Variants in NRXN3 observed in about 807,000 individuals in gnomAD.
NRXN3 encodes neurexin III.
A neutral mutation model predicts 137.6 loss-of-function variants in NRXN3; 32 were observed. That is an observed-to-expected ratio of 0.23 (90% CI 0.18 to 0.31). The LOEUF (loss-of-function observed/expected upper bound fraction) is 0.31. NRXN3 is among the 10% of genes least tolerant of loss of function. The pLI is 1.00. For missense variants in NRXN3, 1,574 were observed against 2,062.5 expected (o/e 0.76, Z 4.59); for synonymous variants, 798 against 784.5 (o/e 1.02, Z -0.29).
chr14:79,385,208 C>CA (rs945654919), intron 15 of NRXN3, among the ~76,000 whole-genome samples: 4 of 94,486 alleles, frequency 4.2e-5, no homozygotes, highest in East Asian at 5.0e-4. Context: ...TATCCTTCCC[C>CA]CCGCCCCCAC....
chr14:79,267,511 C>T (rs1440696233), intron 15 of NRXN3, among the ~76,000 whole-genome samples: 2 of 152,134 alleles, frequency 1.3e-5, no homozygotes, highest in East Asian at 1.9e-4. Flanking sequence ...GCATGCACCA[C>T]CACACCCAGC....
intron 20 of NRXN3, among the ~76,000 whole-genome samples, chr14:79,814,047 C>T (rs1441316269): frequency 1.3e-5 from 2 of 152,190 alleles, no homozygotes; most frequent in Admixed American, 6.5e-5. Context: ...TGCATGACAC[C>T]ATCTTGTGTT....
At chr14:79,334,519 CA>C (rs1260234346) in intron 15 of NRXN3, among the ~76,000 whole-genome samples, 1 of 152,162 alleles carries the variant, frequency 6.6e-6, no homozygotes, top group Non-Finnish European at 1.5e-5. Flanking sequence ...CAGGGCAGGA[CA>C]GGGGGTAAAG....
At chr14:78,835,258 G>A (rs543498763) in intron 10 of NRXN3, among the ~76,000 whole-genome samples, 1 of 152,282 alleles carries the variant, frequency 6.6e-6, no homozygotes, top group Admixed American at 6.5e-5. Context: ...TGACAGCTCT[G>A]CTTGCAGCCA....
chr14:79,394,117 T>C (rs749879975), intron 15 of NRXN3, among the ~76,000 whole-genome samples: 9 of 152,182 alleles, frequency 5.9e-5, no homozygotes, highest in Non-Finnish European at 1.3e-4. Context: ...TGTAGAGAAA[T>C]ATAAAAATAA....
intron 15 of NRXN3, among the ~76,000 whole-genome samples, chr14:79,163,069 G>A (rs1023502227): frequency 2.0e-5 from 3 of 151,868 alleles, no homozygotes; most frequent in African/African-American, 7.3e-5. Context: ...AATGTTATGG[G>A]TCTTTATGGG....
intron 4 of NRXN3, among the ~76,000 whole-genome samples, chr14:78,564,403 T>A (rs1306059477): frequency 6.6e-6 from 1 of 152,214 alleles, no homozygotes; most frequent in Non-Finnish European, 1.5e-5. Flanking sequence ...TAGGTAGGAC[T>A]GGGCTCTGAC....
At chr14:78,434,946 A>G (rs1050962221) in intron 4 of NRXN3, among the ~76,000 whole-genome samples, 1 of 152,214 alleles carries the variant, frequency 6.6e-6, no homozygotes, top group Non-Finnish European at 1.5e-5. Flanking sequence ...TTGTCTAGAG[A>G]CAACTGACAG....
intron 12 of NRXN3, among the ~76,000 whole-genome samples, chr14:78,966,860 T>C (rs976115110): frequency 2.6e-5 from 4 of 152,116 alleles, no homozygotes; most frequent in Non-Finnish European, 5.9e-5. Context: ...TATTAGAAAA[T>C]AGTCAAAACA....
chr14:79,632,369 C>G (rs144912050), intron 16 of NRXN3: 1 of 152,774 alleles, frequency 6.5e-6, no homozygotes, highest in Non-Finnish European at 1.5e-5. Context: ...GGAGAAGGTC[C>G]TTGGGAGAAG....
rs973577741 is a variant in NRXN3 at position 79,863,409 on chromosome 14, G to A, written c.*1445G>A. ...ATCTGTTAAAGTCTTAAAATGGAAT[G>A]AGAATGTTGTTTTAAAAGAAAATAG... On this transcript the variant is annotated 3_prime_UTR_variant, in exon 21 of 21. Coordinates refer to ENST00000335750, the MANE Select transcript of NRXN3 (RefSeq NM_001330195.2). 6.6e-6 allele frequency: 1 copy of A among 152,044 alleles called. No homozygotes were observed. The highest frequency in any genetic ancestry group is 1.9e-4 in the East Asian group (1 of 5,176). 9.4% of individuals were successfully genotyped at this position (152,044 alleles called of 1,614,324 possible).
chr14:79,028,447 C>T (rs1296685738), intron 15 of NRXN3, among the ~76,000 whole-genome samples: 1 of 152,134 alleles, frequency 6.6e-6, no homozygotes, highest in African/African-American at 2.4e-5. Context: ...ACACCCTCTA[C>T]CCAAGTTGCC....
At chr14:78,824,145 C>T (rs2153138732) in intron 10 of NRXN3, among the ~76,000 whole-genome samples, 1 of 120,896 alleles carries the variant, frequency 8.3e-6, no homozygotes. Context: ...GTTTCTGTTG[C>T]TCCTTAGGAA....
intron 17 of NRXN3, among the ~76,000 whole-genome samples, chr14:79,670,445 G>A (rs186186096): frequency 1.6e-4 from 25 of 152,098 alleles, no homozygotes; most frequent in Admixed American, 2.0e-4. Flanking sequence ...GAAGGTTCCC[G>A]CTGTCGAGAA....
Position 79,099,285 on chromosome 14 carries a change from C to A in NRXN3, c.3262+111144C>A, listed in dbSNP as rs369831169. On this transcript the variant is annotated intron_variant, in intron 15 of 20. Transcript: ENST00000335750. Reference sequence around the variant, plus strand: ...TGTCATTTCTTTGTGAGATTTAATTCTAGACCCTAATTCTCTCACTGCACA... The same window carrying A: ...TGTCATTTCTTTGTGAGATTTAATTATAGACCCTAATTCTCTCACTGCACA... 4.4e-4 allele frequency among the ~76,000 whole-genome samples: 67 copies of A among 152,122 alleles called. 1 individual carries two copies. Among genetic ancestry groups the A allele is most frequent in the African/African-American group, 1.6e-3 (66 of 41,500 alleles).
intron 15 of NRXN3, among the ~76,000 whole-genome samples, chr14:79,339,767 T>C (rs2092491616): frequency 1.3e-5 from 2 of 152,214 alleles, no homozygotes; most frequent in Non-Finnish European, 2.9e-5. Context: ...TGCCATTTTC[T>C]AGCCCTGTGA....
intron 19 of NRXN3, among the ~76,000 whole-genome samples, chr14:79,739,765 G>C (rs187916088): frequency 1.3e-5 from 2 of 151,002 alleles, no homozygotes; most frequent in Non-Finnish European, 2.9e-5. Context: ...CACCAGCTAC[G>C]GGAAAGGGCA....
intron 16 of NRXN3, among the ~76,000 whole-genome samples, chr14:79,654,884 C>A (rs1348092433): frequency 1.3e-5 from 2 of 152,072 alleles, no homozygotes; most frequent in Non-Finnish European, 2.9e-5. Flanking sequence ...GCTAATATAG[C>A]CTGTCATTTG....
intron 15 of NRXN3, among the ~76,000 whole-genome samples, chr14:79,349,249 T>G (rs2093067618): frequency 6.6e-6 from 1 of 151,846 alleles, no homozygotes. Context: ...AAATTCAAAT[T>G]TTACAGAAAT....
Sources: allele counts gnomAD v4.1 joint callset (sites outside exome capture counted in the v4.1 genomes callset), GRCh38; gene constraint gnomAD v4.1.1; transcripts MANE v1.5; gene names NCBI Gene and HGNC (gene_info 2026-07-23, HGNC 2026-07-21).